RSU1: variants seen among roughly 807,000 people sequenced by gnomAD.
The protein encoded by RSU1 is Ras suppressor protein 1.
In RSU1, 26 loss-of-function variants were observed where a neutral mutation model predicts 31.1. That is an observed-to-expected ratio of 0.84 (90% CI 0.61 to 1.16). The LOEUF (loss-of-function observed/expected upper bound fraction) is 1.16. Ranked by LOEUF, RSU1 falls within the 50% of genes most tolerant of loss-of-function variation. The pLI is 0.00. For missense variants in RSU1, 320 were observed against 339.1 expected, an observed-to-expected ratio of 0.94 and a Z score of 0.44; for synonymous variants, 164 against 136.3, an observed-to-expected ratio of 1.20 and a Z score of -1.41.
At chr10:16,695,357 C>T (rs2131563181) in intron 7 of RSU1, among the ~76,000 whole-genome samples, 1 of 151,954 alleles carries the variant, frequency 6.6e-6, no homozygotes, top group South Asian at 2.1e-4. Context: ...AAATTAAGAA[C>T]AAAGGAAGGA....
chr10:16,787,602 G>A (rs184670849), intron 2 of RSU1, among the ~76,000 whole-genome samples: 36 of 152,288 alleles, frequency 2.4e-4, no homozygotes, highest in African/African-American at 8.7e-4. Flanking sequence ...TGAATCATGG[G>A]GAGTGGTTTC....
intron 7 of RSU1, among the ~76,000 whole-genome samples, chr10:16,745,928 A>G (rs1353354450): frequency 3.3e-5 from 5 of 152,202 alleles, no homozygotes; most frequent in Non-Finnish European, 7.3e-5. Context: ...TAAACAAGAC[A>G]CTTATAATCA....
intron 7 of RSU1, among the ~76,000 whole-genome samples, chr10:16,711,256 TCTC>T (rs1836012735): frequency 6.6e-6 from 1 of 152,188 alleles, no homozygotes; most frequent in Admixed American, 6.5e-5. Context: ...AGTTGTAACA[TCTC>T]CTTTTCCATC....
intron 8 of RSU1, among the ~76,000 whole-genome samples, chr10:16,609,881 T>C (rs1202986991): frequency 6.6e-6 from 1 of 152,222 alleles, no homozygotes; most frequent in African/African-American, 2.4e-5. Flanking sequence ...ACGTCCAATT[T>C]GCAGAGACAC....
intron 2 of RSU1, among the ~76,000 whole-genome samples, chr10:16,798,910 C>CT: frequency 6.6e-6 from 1 of 152,210 alleles, no homozygotes; most frequent in Middle Eastern, 3.2e-3. Flanking sequence ...GTAAAATTGA[C>CT]TTTCATGTAA....
intron 2 of RSU1, among the ~76,000 whole-genome samples, chr10:16,814,375 G>A (rs1405459520): frequency 6.6e-6 from 1 of 150,952 alleles, no homozygotes; most frequent in African/African-American, 2.4e-5. Flanking sequence ...TTGAGCCTGG[G>A]AGGGTGAGGC....
chr10:16,624,960 A>G (rs1834130412), intron 8 of RSU1, among the ~76,000 whole-genome samples: 1 of 152,210 alleles, frequency 6.6e-6, no homozygotes, highest in South Asian at 2.1e-4. Flanking sequence ...GAACTCTAAA[A>G]TAAAGACCCA....
At chr10:16,636,726 G>C in intron 8 of RSU1, among the ~76,000 whole-genome samples, 1 of 152,104 alleles carries the variant, frequency 6.6e-6, no homozygotes, top group Non-Finnish European at 1.5e-5. Context: ...GCTTATCCCT[G>C]GGGGGCAGGG....
intron 3 of RSU1, among the ~76,000 whole-genome samples, chr10:16,778,005 TA>T (rs1158475115): frequency 1.4e-5 from 2 of 146,966 alleles, no homozygotes; most frequent in African/African-American, 5.1e-5. Context: ...TTATTGGACA[TA>T]AGGTCATATA....
chr10:16,593,620 G>GA lies in RSU1; in HGVS notation c.732-125dup. 5.3e-6 allele frequency: 4 copies of GA among 748,812 alleles called. No homozygotes were observed. The East Asian group carries it at 1.0e-4, about 19-fold the overall frequency. 46.4% of individuals were successfully genotyped at this position (748,812 alleles called of 1,614,324 possible). ...TTCAGTAAGCCAAAGAAAACCAAAA[G>GA]ATCACTTCTGTGTTCTCTGGGTGCT... is the stretch of plus-strand genomic sequence containing the variant. On this transcript the variant is annotated intron_variant, in intron 8 of 8. Transcript: ENST00000345264.
At chr10:16,757,713 C>T (rs1303856835) in intron 4 of RSU1, among the ~76,000 whole-genome samples, 1 of 152,166 alleles carries the variant, frequency 6.6e-6, no homozygotes, top group Admixed American at 6.5e-5. Flanking sequence ...CACCCCATAC[C>T]GCACGGAGGC....
chr10:16,631,828 C>T (rs1292450545), intron 8 of RSU1, among the ~76,000 whole-genome samples: 2 of 152,164 alleles, frequency 1.3e-5, no homozygotes, highest in Non-Finnish European at 2.9e-5. Flanking sequence ...TTGTACCAAG[C>T]CACAGATAAG....
rs1216283251 is a variant in RSU1 at position 16,593,142 on chromosome 10, T to G, written c.*252A>C. 6 of 490,552 alleles carry G rather than the reference T, an allele frequency of 1.2e-5. No homozygotes were observed. The East Asian group carries it at 2.5e-4, about 20-fold the overall frequency. 30.4% of individuals were successfully genotyped at this position (490,552 alleles called of 1,614,324 possible). A position where few individuals can be genotyped will look rare whatever the true frequency, so the allele number is the denominator to read the frequency against. On this transcript the variant is annotated 3_prime_UTR_variant, in exon 9 of 9. Transcript: ENST00000345264. ...CCAGAGCCCACTATGGAATTCGCAGTTGAATAAGAGCTTTGTTCCCTGCTT... is the reference window on the plus strand; with the variant it reads ...CCAGAGCCCACTATGGAATTCGCAGGTGAATAAGAGCTTTGTTCCCTGCTT...
At chr10:16,677,263 G>A (rs777984948) in intron 8 of RSU1, among the ~76,000 whole-genome samples, 23 of 152,126 alleles carry the variant, frequency 1.5e-4, no homozygotes, top group African/African-American at 2.2e-4. Context: ...ATGACTGTCC[G>A]TTTTCTCGTC....
chr10:16,699,673 A>T (rs191048072), intron 7 of RSU1, among the ~76,000 whole-genome samples: 77 of 152,296 alleles, frequency 5.1e-4, no homozygotes, highest in African/African-American at 1.8e-3. Flanking sequence ...AAGCACTGTG[A>T]CAAAGAGGAT....
chr10:16,796,418 A>G (rs7068265), intron 2 of RSU1, among the ~76,000 whole-genome samples: 47,554 of 151,688 alleles, frequency 0.31, 7,552 homozygotes, highest in African/African-American at 0.38. Flanking sequence ...CATTCCCTCC[A>G]CCTTTCTCTC....
chr10:16,806,312 A>T (rs76347620), intron 2 of RSU1, among the ~76,000 whole-genome samples: 3 of 152,200 alleles, frequency 2.0e-5, no homozygotes, highest in African/African-American at 7.2e-5. Context: ...ATTAGCCGTT[A>T]TCTTCATCTC....
intron 7 of RSU1, among the ~76,000 whole-genome samples, chr10:16,720,206 T>C (rs1293973694): frequency 6.6e-6 from 1 of 152,250 alleles, no homozygotes; most frequent in African/African-American, 2.4e-5. Context: ...TAAATCTTGA[T>C]GTTCTTTGGG....
At chr10:16,788,127 G>T (rs1395306312) in intron 2 of RSU1, among the ~76,000 whole-genome samples, 1 of 152,088 alleles carries the variant, frequency 6.6e-6, no homozygotes, top group Non-Finnish European at 1.5e-5. Context: ...TAACAAACAA[G>T]ATTATTAAAT....
Sources: allele counts gnomAD v4.1 joint callset (sites outside exome capture counted in the v4.1 genomes callset), GRCh38; gene constraint gnomAD v4.1.1; transcripts MANE v1.5; gene names NCBI Gene and HGNC (gene_info 2026-07-23, HGNC 2026-07-21).